The following DRP2 variants were observed in gnomAD, a reference collection of about 807,000 sequenced individuals.
DRP2 encodes the protein dystrophin-related protein 2.
A neutral mutation model predicts 78.2 loss-of-function variants in DRP2; 29 were observed. The ratio of observed to expected loss-of-function variants is 0.37; its 90% CI spans 0.28 to 0.51. DRP2 has a LOEUF of 0.51. Ranked by LOEUF, DRP2 falls within the 20% of genes least tolerant of loss-of-function variation. DRP2 has a pLI of 0.94. For missense variants in DRP2, 686 were observed against 770.6 expected, an observed-to-expected ratio of 0.89 and a Z score of 1.30; for synonymous variants, 290 against 281.9, an observed-to-expected ratio of 1.03 and a Z score of -0.29.
intron 1 of DRP2, among the ~76,000 whole-genome samples, 161 bp from the exon 2 acceptor site, chrX:101,224,443 C>T (rs1922045093): frequency 9.3e-6 from 1 of 107,596 alleles, no homozygotes; most frequent in Admixed American, 9.8e-5. Context: ...TCCAGGCTTC[C>T]TTTCTGCGCA....
chrX:101,258,545 A>C lies in DRP2; in HGVS notation c.2627A>C (p.Gln876Pro), dbSNP rs772278748. ...QLQRLRELLLQPPTESDGSGS... is the reference protein window; with the variant it reads ...QLQRLRELLLPPPTESDGSGS... ...CAGCGTCTGAGGGAGCTTCTCCTGC[A>C]GGTGAGGATGGAGACAGGAAAAGAG... Residue 876 changes from glutamine to proline, a missense_variant and splice_region_variant, in exon 22 of 24, where the codon CAG becomes CCG. Physicochemically the swap from Gln to Pro is moderately conservative, Grantham distance 76. This residue lies in a region of DRP2 where 423 missense variants were observed against 531.5 expected (regional missense o/e 0.80). Coordinates refer to ENST00000395209, the MANE Select transcript of DRP2 (RefSeq NM_001939.3). The C allele has an allele frequency of 2.6e-6, 3 of 1,174,357 alleles. No individual in the cohort carries two copies. Among genetic ancestry groups the C allele is most frequent in the East Asian group, 6.3e-5 (2 of 31,705 alleles).
intron 1 of DRP2, among the ~76,000 whole-genome samples, chrX:101,224,181 GGTTTTTTTTGTTTTTTTTT>G (rs1921996599): frequency 2.1e-5 from 1 of 47,654 alleles, no homozygotes; most frequent in African/African-American, 1.2e-4. Context: ...ATGTTTGCTG[GGTTTTTTTTGTTTTTTTTT>G]TTTTTTTTTT....
chrX:101,255,109 G>A (rs1342582322), intron 19 of DRP2, 75 bp from the exon 20 acceptor site: 1 of 1,117,098 alleles, frequency 9.0e-7, no homozygotes, highest in Non-Finnish European at 1.2e-6. Context: ...TGATCCTGCT[G>A]TGAGATTAAA....
Position 101,254,443 on chromosome X carries a change from A to G in DRP2, c.1996A>G (p.Met666Val), listed in dbSNP as rs769455689. 2 of 1,211,936 alleles carry G rather than the reference A, an allele frequency of 1.7e-6. No individual in the cohort carries two copies. The highest frequency in any genetic ancestry group is 3.5e-5 in the South Asian group (2 of 56,994). ...TCCTCAGACCACATCCAGTGAGAAC[A>G]TGAGGGACTTTGCCACAACCTTAAA... ...YYTPTTSSEN[M>V]RDFATTLKNK... The change falls in exon 18 of 24, where the codon ATG becomes GTG. Residue 666 changes from methionine (M) to valine (V), a missense_variant. Transcript: ENST00000395209.
Position 101,263,608 on chromosome X carries a change from A to C in DRP2, c.*2987A>C, listed in dbSNP as rs1302372709. On this transcript the variant is annotated 3_prime_UTR_variant, in exon 24 of 24. Transcript: ENST00000395209. ...ACGGAAGGCTGACTAGCTGGAGGAC[A>C]TCAGGCTGTGCTATGCTTCCCTAGG... is the stretch of plus-strand genomic sequence containing the variant. 1.8e-5 allele frequency: 2 copies of C among 112,404 alleles called. No individual in the cohort carries two copies. Among genetic ancestry groups the C allele is most frequent in the Non-Finnish European group, 3.8e-5 (2 of 53,287 alleles). 9.3% of individuals were successfully genotyped at this position (112,404 alleles called of 1,213,427 possible).
rs1261200942 is a variant in DRP2 at position 101,263,309 on chromosome X, G to C, written c.*2688G>C. ...TGTATTAGTCTTCTAAGGATATTGT[G>C]CATGGCACTGTGTAGTTTATAGCCC... On this transcript the variant is annotated 3_prime_UTR_variant, in exon 24 of 24. Coordinates refer to ENST00000395209, the MANE Select transcript of DRP2 (RefSeq NM_001939.3). The C allele has an allele frequency of 8.9e-6, 1 of 112,238 alleles. No individual in the cohort carries two copies. The highest frequency in any genetic ancestry group is 1.9e-5 in the Non-Finnish European group (1 of 53,268). 9.2% of individuals were successfully genotyped at this position (112,238 alleles called of 1,213,427 possible). A position where few individuals can be genotyped will look rare whatever the true frequency, so the allele number is the denominator to read the frequency against.
chrX:101,256,811 G>A (rs1046194847), intron 21 of DRP2, among the ~76,000 whole-genome samples: 2 of 106,175 alleles, frequency 1.9e-5, no homozygotes, highest in African/African-American at 3.5e-5. Flanking sequence ...TGCTCACCCC[G>A]GCTTCCCAAA....
rs780921718 is a variant in DRP2, at chrX:101,245,048, T to A, written c.1086T>A (p.Ile362=). 5.8e-6 allele frequency: 7 copies of A among 1,210,360 alleles called. No individual in the cohort carries two copies. The East Asian group carries it at 2.1e-4, about 36-fold the overall frequency. Residue 362 remains isoleucine (I), a synonymous_variant, in exon 10 of 24, where the codon ATT becomes ATA. Coordinates refer to ENST00000395209, the MANE Select transcript of DRP2 (RefSeq NM_001939.3). ...SSVQVPWERA[I]SPNKVPYYIN... Reference sequence around the variant, plus strand: ...TCCAGGTTCCCTGGGAAAGAGCAATTTCACCCAATAAAGTTCCCTACTACA... The same window carrying A: ...TCCAGGTTCCCTGGGAAAGAGCAATATCACCCAATAAAGTTCCCTACTACA...
At chrX:101,252,495 C>T (rs1923172600) in intron 16 of DRP2, 110 bp from the exon 17 acceptor site, 3 of 587,113 alleles carry the variant, frequency 5.1e-6, no homozygotes, top group South Asian at 3.1e-5. Context: ...GGCTCCATGC[C>T]TCATTCATCC....
Position 101,262,110 on chromosome X carries a change from C to T in DRP2, c.*1489C>T, listed in dbSNP as rs1923576452. 8.9e-6 allele frequency: 1 copy of T among 112,198 alleles called. No individual in the cohort carries two copies. Among genetic ancestry groups the T allele is most frequent in the African/African-American group, 3.2e-5 (1 of 30,840 alleles). The allele number at this position is 112,198 out of a possible 1,213,427, so 9.2% of individuals were successfully genotyped here. A position where few individuals can be genotyped will look rare whatever the true frequency, so the allele number is the denominator to read the frequency against. ...GTTCTGCCTTGCTCTTTGTTAGCCC[C>T]AGCCTCTGGTTGGAAAGATAGATGT... On this transcript the variant is annotated 3_prime_UTR_variant, in exon 24 of 24. Coordinates refer to ENST00000395209, the MANE Select transcript of DRP2 (RefSeq NM_001939.3).
intron 11 of DRP2, among the ~76,000 whole-genome samples, chrX:101,246,602 C>T (rs1922941993): frequency 8.9e-6 from 1 of 111,864 alleles, no homozygotes; most frequent in Non-Finnish European, 1.9e-5. Flanking sequence ...AACATCATTT[C>T]AGTGTGTTGT....
At chrX:101,226,169 G>A (rs145282675) in intron 2 of DRP2, among the ~76,000 whole-genome samples, 2,126 of 111,968 alleles carry the variant, frequency 0.019, 48 homozygotes, top group African/African-American at 0.065. Context: ...GGCATATAAA[G>A]AGTTCTTAAT....
intron 21 of DRP2, among the ~76,000 whole-genome samples, chrX:101,257,418 C>CCAAGG (rs1315222506): frequency 2.6e-5 from 2 of 78,208 alleles, no homozygotes; most frequent in Non-Finnish European, 4.7e-5. Context: ...TGTGACCAGT[C>CCAAGG]CAAGGCAAGA....
At position 101,241,802 on chromosome X, in the gene DRP2, C is replaced by A. The variant is rs1456025690; in HGVS notation, c.694C>A (p.Gln232Lys). ...CCGTCACATTGAGCGGACTCTGGAG[C>A]AGCTCTTGGAGATTCAAGGGGCAAT... The part of the protein sequence containing the change: ...QHRHIERTLE[Q>K]LLEIQGAMEE... Residue 232 changes from glutamine to lysine, a missense_variant, in exon 7 of 24, where the codon CAG (glutamine) becomes AAG (lysine). Around this residue, in one of 2 missense-constraint regions of DRP2, gnomAD observed 263 missense variants for 239.1 expected, o/e 1.10. Coordinates refer to ENST00000395209, the MANE Select transcript of DRP2 (RefSeq NM_001939.3). 8.3e-7 allele frequency: 1 copy of A among 1,211,289 alleles called. No individual in the cohort carries two copies. The highest frequency in any genetic ancestry group is 2.2e-5 in the Admixed American group (1 of 45,987).
At position 101,260,669 on chromosome X, in the gene DRP2, G is replaced by A. The variant is rs752680469; in HGVS notation, c.*48G>A. 12 of 1,164,737 alleles carry A rather than the reference G, an allele frequency of 1.0e-5. No homozygotes were observed. The African/African-American group carries it at 1.3e-4, about 12-fold the overall frequency. ...AGTTCATAGTCCTCTCCTGGTTCCG[G>A]TCAAAGCCTTTCCTCAGCCTTCACC... On this transcript the variant is annotated 3_prime_UTR_variant, in exon 24 of 24. Coordinates refer to ENST00000395209, the MANE Select transcript of DRP2 (RefSeq NM_001939.3).
intron 1 of DRP2, among the ~76,000 whole-genome samples, chrX:101,224,182 G>GTTT (rs1214156680): frequency 4.1e-4 from 18 of 44,216 alleles, no homozygotes; most frequent in South Asian, 1.2e-3. Context: ...TGTTTGCTGG[G>GTTT]TTTTTTTTGT....
At chrX:101,233,509 G>GA (rs1202548301) in intron 3 of DRP2, among the ~76,000 whole-genome samples, 1 of 112,094 alleles carries the variant, frequency 8.9e-6, no homozygotes, top group African/African-American at 3.2e-5. Context: ...AAACAATGTG[G>GA]AACTGTTGGA....
In DRP2 at chrX:101,248,149, G is replaced by A; in HGVS notation, c.1313G>A (p.Ser438Asn). 8.3e-7 allele frequency: 1 copy of A among 1,211,708 alleles called. No homozygotes were observed. The highest frequency in any genetic ancestry group is 1.1e-6 in the Non-Finnish European group (1 of 895,474). The change falls in exon 13 of 24, where the codon AGT (serine) becomes AAT (asparagine). Residue 438 changes from serine to asparagine, a missense_variant. Around this residue, in one of 2 missense-constraint regions of DRP2, gnomAD observed 423 missense variants for 531.5 expected, o/e 0.80. Coordinates refer to ENST00000395209, the MANE Select transcript of DRP2 (RefSeq NM_001939.3). ...TTCAATGAGCATGATCTGCAGGCCA[G>A]TGAGCACGTGATGGATGTGGTAGAG... ...EIFNEHDLQA[S>N]EHVMDVVEVI...
At chrX:101,248,696 G>T in intron 14 of DRP2, 97 bp downstream of exon 14, 1 of 791,781 alleles carries the variant, frequency 1.3e-6, no homozygotes, top group South Asian at 2.3e-5. Flanking sequence ...TACATCTTGT[G>T]ACTCAGCAGA....
Sources: allele counts gnomAD v4.1 joint callset (sites outside exome capture counted in the v4.1 genomes callset), GRCh38; gene constraint gnomAD v4.1.1; regional missense constraint gnomAD v4.1.1; transcripts MANE v1.5; gene names NCBI Gene and HGNC (gene_info 2026-07-23, HGNC 2026-07-21).